The following ANO2 variants were observed in gnomAD, a reference collection of about 807,000 sequenced individuals.
The protein encoded by ANO2 is anoctamin 2.
In ANO2, 101 loss-of-function variants were observed where a neutral mutation model predicts 124.2. The observed-to-expected ratio is 0.81, with a 90% CI of 0.69 to 0.96. ANO2 has a LOEUF of 0.96. Ranked by LOEUF, ANO2 falls within the 40% of genes least tolerant of loss-of-function variation. The probability of loss-of-function intolerance (pLI) is 0.00; values close to 1 mark genes in which losing one functional copy is unlikely to be tolerated. For missense variants in ANO2, 1,293 were observed against 1,274.5 expected, an observed-to-expected ratio of 1.01 and a Z score of -0.22; for synonymous variants, 486 against 482.5, an observed-to-expected ratio of 1.01 and a Z score of -0.09.
Position 5,709,196 on chromosome 12 carries a change from G to A in ANO2, c.1545+23324C>T, listed in dbSNP as rs201946500. On this transcript the variant is annotated intron_variant, in intron 14 of 24. Coordinates refer to ENST00000682330, the MANE Select transcript of ANO2 (RefSeq NM_001364791.2). ...CTAAATGTGCTGTCCCACAGAGCTC[G>A]ATAGTTGTTCCCCTCTATCCAGTTT... Among the ~76,000 whole-genome samples the A allele has an allele frequency of 2.1e-4, 32 of 152,248 alleles. No individual in the cohort carries two copies. In the East Asian group the frequency reaches 5.4e-3, roughly 26 times the overall value.
At chr12:5,918,725 C>T (rs928433754) in intron 3 of ANO2, among the ~76,000 whole-genome samples, 2 of 152,170 alleles carry the variant, frequency 1.3e-5, no homozygotes, top group African/African-American at 4.8e-5. Context: ...AGGCATGAGC[C>T]ACCACACCCA....
intron 23 of ANO2, among the ~76,000 whole-genome samples, chr12:5,568,990 T>G (rs539911012): frequency 1.1e-3 from 164 of 152,364 alleles, no homozygotes; most frequent in African/African-American, 3.5e-3. Context: ...ATTCTTTCTC[T>G]TTTTACTGGA....
In ANO2 at chr12:5,921,243, C is replaced by T. The variant is rs369637377; in HGVS notation, c.331G>A (p.Gly111Arg). 7.6e-5 allele frequency: 123 copies of T among 1,613,978 alleles called. 3 individuals carry two copies. In the South Asian group the frequency reaches 1.1e-3, roughly 15 times the overall value. The change falls in exon 3 of 25, where the codon GGG becomes AGG. Residue 111 changes from glycine (G) to arginine (R), a missense_variant. Coordinates refer to ENST00000682330, the MANE Select transcript of ANO2 (RefSeq NM_001364791.2). The part of the protein sequence containing the change: ...YVLAYHYRKR[G>R]VHLAQGFPGH... The stretch of plus-strand genomic sequence containing the variant: ...GGGAAGCCTTGGGCCAGGTGCACCC[C>T]GCGTTTCCGGTAGTGGTAGGCAAGT...
At chr12:5,882,280 G>A (rs1053771660) in intron 3 of ANO2, among the ~76,000 whole-genome samples, 3 of 152,200 alleles carry the variant, frequency 2.0e-5, no homozygotes, top group South Asian at 4.1e-4. Flanking sequence ...TACACTAGAA[G>A]GAGGTGGATA....
chr12:5,932,703 A>T (rs1179209142), intron 1 of ANO2, among the ~76,000 whole-genome samples: 1 of 151,732 alleles, frequency 6.6e-6, no homozygotes, highest in East Asian at 2.0e-4. Context: ...GGTAGACTAG[A>T]GAGGAAGGAA....
At chr12:5,752,477 C>T (rs1206994402) in intron 10 of ANO2, among the ~76,000 whole-genome samples, 1 of 152,136 alleles carries the variant, frequency 6.6e-6, no homozygotes. Flanking sequence ...AACACTTTCT[C>T]CTATACCTGT....
chr12:5,583,046 T>G (rs1459342869), intron 20 of ANO2, among the ~76,000 whole-genome samples: 1 of 152,220 alleles, frequency 6.6e-6, no homozygotes, highest in Non-Finnish European at 1.5e-5. Context: ...TTTGATTCTT[T>G]TCCAAGTCCT....
chr12:5,596,358 TGTGA>T (rs1419671024), intron 20 of ANO2, among the ~76,000 whole-genome samples: 3 of 151,868 alleles, frequency 2.0e-5, no homozygotes, highest in African/African-American at 4.8e-5. Context: ...AAAAAATAAA[TGTGA>T]GTATGATCAA....
chr12:5,758,528 T>TCC (rs1479951711), intron 10 of ANO2, among the ~76,000 whole-genome samples: 1 of 152,124 alleles, frequency 6.6e-6, no homozygotes, highest in East Asian at 1.9e-4. Flanking sequence ...CATGGAGAAA[T>TCC]ACCCCATTGT....
intron 14 of ANO2, among the ~76,000 whole-genome samples, chr12:5,679,458 C>T (rs1948398887): frequency 6.6e-6 from 1 of 151,916 alleles, no homozygotes; most frequent in Non-Finnish European, 1.5e-5. Flanking sequence ...ACAAACAACC[C>T]CATTAAAAAG....
At chr12:5,831,431 G>T (rs1011633902) in intron 5 of ANO2, among the ~76,000 whole-genome samples, 10 of 152,152 alleles carry the variant, frequency 6.6e-5, no homozygotes, top group African/African-American at 2.4e-4. Context: ...GAAGGCCCAG[G>T]GAAGGGGATG....
chr12:5,673,432 A>C (rs2136990633), intron 14 of ANO2, among the ~76,000 whole-genome samples: 1 of 152,324 alleles, frequency 6.6e-6, no homozygotes, highest in African/African-American at 2.4e-5. Context: ...AAGTGGTTTA[A>C]AATCTCCCCT....
chr12:5,777,545 C>T (rs1952267497), intron 10 of ANO2, among the ~76,000 whole-genome samples: 1 of 152,194 alleles, frequency 6.6e-6, no homozygotes, highest in Non-Finnish European at 1.5e-5. Flanking sequence ...TCCAAAGGCT[C>T]TTTCCCAGCA....
At chr12:5,594,890 C>T (rs1467800597) in intron 20 of ANO2, among the ~76,000 whole-genome samples, 1 of 152,178 alleles carries the variant, frequency 6.6e-6, no homozygotes, top group African/African-American at 2.4e-5. Context: ...AGGAGACTCG[C>T]TGCACTTGCC....
chr12:5,827,963 A>C (rs1954030665), intron 6 of ANO2, 143 bp from the exon 7 acceptor site: 1 of 828,930 alleles, frequency 1.2e-6, no homozygotes, highest in African/African-American at 1.7e-5. Context: ...TGCCTGGCTC[A>C]TGGCCCGCAC....
At chr12:5,895,281 GCTCT>G (rs1447819797) in intron 3 of ANO2, among the ~76,000 whole-genome samples, 9 of 152,146 alleles carry the variant, frequency 5.9e-5, no homozygotes, top group Admixed American at 1.3e-4. Flanking sequence ...TCATGATTTG[GCTCT>G]CTGTTTGTCT....
chr12:5,574,557 T>G (rs1942299439), intron 23 of ANO2, among the ~76,000 whole-genome samples: 1 of 152,200 alleles, frequency 6.6e-6, no homozygotes, highest in Admixed American at 6.5e-5. Flanking sequence ...GTTTTGGAGA[T>G]AATCCTAGCT....
At chr12:5,611,517 T>A (rs1031683293) in intron 19 of ANO2, among the ~76,000 whole-genome samples, 1 of 152,098 alleles carries the variant, frequency 6.6e-6, no homozygotes, top group African/African-American at 2.4e-5. Flanking sequence ...GTGTAAACAG[T>A]GTTATTCCTG....
chr12:5,822,767 T>C lies in ANO2; in HGVS notation c.892+5002A>G, dbSNP rs925801003. Reference sequence around the variant, plus strand: ...TACGCAATGCTTCTGCCAAGACTACTGTATTAGTCCATTTTCACACTGCTG... The same window carrying C: ...TACGCAATGCTTCTGCCAAGACTACCGTATTAGTCCATTTTCACACTGCTG... On this transcript the variant is annotated intron_variant, in intron 7 of 24. Transcript: ENST00000682330. Among the ~76,000 whole-genome samples, 5 of 152,314 alleles carry C rather than the reference T, an allele frequency of 3.3e-5. No homozygotes were observed. In the Middle Eastern group the frequency reaches 0.01, roughly 311 times the overall value.
Sources: allele counts gnomAD v4.1 joint callset (sites outside exome capture counted in the v4.1 genomes callset), GRCh38; gene constraint gnomAD v4.1.1; transcripts MANE v1.5; gene names NCBI Gene and HGNC (gene_info 2026-07-23, HGNC 2026-07-21).